Variants in ICAM1 observed in about 807,000 individuals in gnomAD.
ICAM1 encodes the protein intercellular adhesion molecule 1, also known as ICAM-1.
Under a neutral mutation model 42.3 loss-of-function variants are expected in ICAM1, and 28 were observed. The ratio of observed to expected loss-of-function variants is 0.66; its 90% CI spans 0.49 to 0.91. ICAM1 has a LOEUF of 0.91. Ranked by LOEUF, ICAM1 falls within the 40% of genes least tolerant of loss-of-function variation. The pLI is 0.00. For synonymous variants in ICAM1, 304 were observed against 305.9 expected (o/e 0.99, Z 0.07); for missense variants, 637 against 688.6 (o/e 0.93, Z 0.84).
In ICAM1 at chr19:10,285,579, G is replaced by C; in HGVS notation, c.*292G>C. ...AAAGTCTAGCCTGATGAGAGGGGAA[G>C]TGGTGGGGGAGACATAGCCCCACCA... On this transcript the variant is annotated 3_prime_UTR_variant, in exon 7 of 7. Coordinates refer to ENST00000264832, the MANE Select transcript of ICAM1 (RefSeq NM_000201.3). The C allele has an allele frequency of 2.7e-6, 1 of 366,182 alleles. No homozygotes were observed. The highest frequency in any genetic ancestry group is 5.0e-6 in the Non-Finnish European group (1 of 199,488). 22.7% of individuals were successfully genotyped at this position (366,182 alleles called of 1,614,324 possible).
chr19:10,281,470 T>C (rs1389905279), intron 2 of ICAM1, among the ~76,000 whole-genome samples: 1 of 152,052 alleles, frequency 6.6e-6, no homozygotes, highest in Non-Finnish European at 1.5e-5. Context: ...TCATCCCTTT[T>C]AAGCACATAA....
chr19:10,280,935 T>G (rs2358581), intron 2 of ICAM1, among the ~76,000 whole-genome samples: 97,747 of 144,874 alleles, frequency 0.67, 33,538 homozygotes, highest in Middle Eastern at 0.8. Context: ...GTGCAGTGGT[T>G]CGATCTGGGC....
At chr19:10,281,989 G>A (rs1005351002) in intron 2 of ICAM1, among the ~76,000 whole-genome samples, 6 of 151,820 alleles carry the variant, frequency 4.0e-5, no homozygotes, top group Non-Finnish European at 8.8e-5. Flanking sequence ...TGATCCGCCT[G>A]CCTCGGCCCC....
rs754203844 is a variant in ICAM1 at position 10,283,493 on chromosome 19, G to A, written c.344G>A (p.Arg115Gln). 7.6e-6 allele frequency: 12 copies of A among 1,568,852 alleles called. No individual in the cohort carries two copies. Among genetic ancestry groups the A allele is most frequent in the African/African-American group, 5.4e-5 (4 of 74,130 alleles). Residue 115 changes from arginine (R) to glutamine (Q), a missense_variant, in exon 3 of 7, where the codon CGG (arginine) becomes CAG (glutamine). Arg to Gln is a conservative substitution (Grantham distance 43). Transcript: ENST00000264832. The part of the protein sequence containing the change: ...TFLTVYWTPE[R>Q]VELAPLPSWQ... ...TGTTTTCCTGCAGGGACTCCAGAAC[G>A]GGTGGAACTGGCACCCCTCCCCTCT... is the stretch of plus-strand genomic sequence containing the variant.
At chr19:10,280,837 G>A (rs1236404108) in intron 2 of ICAM1, among the ~76,000 whole-genome samples, 1 of 149,028 alleles carries the variant, frequency 6.7e-6, no homozygotes, top group Non-Finnish European at 1.5e-5. Context: ...CCAAAGTGCT[G>A]AGATTACAGG....
rs771711919 is a variant in ICAM1 at position 10,284,649 on chromosome 19, G to A, written c.1172G>A (p.Arg391His). ...LIHKNQTRELRVLYGPRLDER... is the reference protein window; with the variant it reads ...LIHKNQTRELHVLYGPRLDER... Reference sequence around the variant, plus strand: ...CACAAGAACCAGACCCGGGAGCTTCGTGTCCTGTGTGAGTGGGGCTGCTGG... The same window carrying A: ...CACAAGAACCAGACCCGGGAGCTTCATGTCCTGTGTGAGTGGGGCTGCTGG... Residue 391 changes from arginine (R) to histidine (H), a missense_variant, in exon 5 of 7, where the codon CGT becomes CAT. Coordinates refer to ENST00000264832, the MANE Select transcript of ICAM1 (RefSeq NM_000201.3). This position sits in a 1 kb window ranked among gnomAD's most constrained non-coding sequence, Gnocchi z 5.4. 2.7e-5 allele frequency: 44 copies of A among 1,613,958 alleles called. No individual in the cohort carries two copies. The South Asian group carries it at 3.7e-4, about 14-fold the overall frequency.
At position 10,284,332 on chromosome 19, in the gene ICAM1, C is replaced by T. The variant is rs774635699; in HGVS notation, c.925+12C>T. The T allele has an allele frequency of 1.2e-6, 2 of 1,612,628 alleles. No homozygotes were observed. The highest frequency in any genetic ancestry group is 1.7e-6 in the Non-Finnish European group (2 of 1,179,646). ...AGTGACCATCTACAGTAAGAAGGGG[C>T]AGGGGCGGAGTGGGGCTTCTTGGGG... On this transcript the variant is annotated intron_variant, in intron 4 of 6. Coordinates refer to ENST00000264832, the MANE Select transcript of ICAM1 (RefSeq NM_000201.3). This position sits in a 1 kb window ranked among gnomAD's most constrained non-coding sequence, Gnocchi z 5.4.
In ICAM1 at chr19:10,271,335, C is replaced by T. The variant is rs927611305; in HGVS notation, c.67+109C>T. 45 of 911,924 alleles carry T rather than the reference C, an allele frequency of 4.9e-5. No individual in the cohort carries two copies. In the African/African-American group the frequency reaches 6.9e-4, roughly 14 times the overall value. The allele number at this position is 911,924 out of a possible 1,614,324, so 56.5% of individuals were successfully genotyped here. ...GGTAGCTGTTTATGGGAAGGAGGGG[C>T]TAGAGACAGCGATTGAAAGGCAACA... On this transcript the variant is annotated intron_variant, in intron 1 of 6. Transcript: ENST00000264832.
chr19:10,273,827 G>A (rs1291978688), intron 1 of ICAM1, among the ~76,000 whole-genome samples: 3 of 151,604 alleles, frequency 2.0e-5, no homozygotes, highest in South Asian at 4.2e-4. Flanking sequence ...CAGGCTGGCC[G>A]ACGTGGCGAA....
At chr19:10,272,059 G>A (rs2039985470) in intron 1 of ICAM1, among the ~76,000 whole-genome samples, 1 of 152,174 alleles carries the variant, frequency 6.6e-6, no homozygotes, top group Non-Finnish European at 1.5e-5. Flanking sequence ...CCCCAGGCGG[G>A]CGAATCACTT....
chr19:10,282,436 CG>C (rs2040067032), intron 2 of ICAM1: 1 of 152,118 alleles, frequency 6.6e-6, no homozygotes, highest in African/African-American at 2.4e-5. Flanking sequence ...TTAATAGAGA[CG>C]GGGTTTCACT....
chr19:10,274,028 T>G (rs1407494226), intron 1 of ICAM1, among the ~76,000 whole-genome samples: 2 of 149,870 alleles, frequency 1.3e-5, no homozygotes, highest in African/African-American at 2.5e-5. Context: ...AAAAAAAAAA[T>G]AAAAGAACAC....
chr19:10,285,476 AG>A lies in ICAM1; in HGVS notation c.*191del. 1 of 596,892 alleles carries A rather than the reference AG, an allele frequency of 1.7e-6. No individual in the cohort carries two copies. Among genetic ancestry groups the A allele is most frequent in the South Asian group, 2.0e-5 (1 of 49,086 alleles). 37.0% of individuals were successfully genotyped at this position (596,892 alleles called of 1,614,324 possible). A position where few individuals can be genotyped will look rare whatever the true frequency, so the allele number is the denominator to read the frequency against. ...ATGGTACCTGCACACCTAAAACACT[AG>A]GCCACGCATCTGATCTGTAGTCACA... On this transcript the variant is annotated 3_prime_UTR_variant, in exon 7 of 7. Transcript: ENST00000264832.
chr19:10,277,465 A>G (rs903302793), intron 2 of ICAM1, among the ~76,000 whole-genome samples: 6 of 148,308 alleles, frequency 4.0e-5, no homozygotes, highest in African/African-American at 1.5e-4. Context: ...AACGTGAGCC[A>G]CTTTGCCTGG....
chr19:10,272,119 C>G (rs184440323), intron 1 of ICAM1, among the ~76,000 whole-genome samples: 6 of 152,252 alleles, frequency 3.9e-5, no homozygotes, highest in Admixed American at 1.3e-4. Flanking sequence ...CATCCCGTCT[C>G]TACTAAAAAT....
rs1032436887 is a variant in ICAM1 at position 10,281,087 on chromosome 19, A to G, written c.332-2394A>G. On this transcript the variant is annotated intron_variant, in intron 2 of 6. Coordinates refer to ENST00000264832, the MANE Select transcript of ICAM1 (RefSeq NM_000201.3). ...ACGGGGTTTCACCGTGTTAGCCAGG[A>G]TGGTCTTGATCTCCTGACCTCGTGA... 3.8e-4 allele frequency among the ~76,000 whole-genome samples: 57 copies of G among 150,408 alleles called. No homozygotes were observed. The Middle Eastern group carries it at 0.014, about 36-fold the overall frequency.
At chr19:10,276,769 C>T (rs1349566925) in intron 2 of ICAM1, among the ~76,000 whole-genome samples, 7 of 151,286 alleles carry the variant, frequency 4.6e-5, no homozygotes, top group Admixed American at 6.6e-5. Context: ...GTCAGGAGTT[C>T]GAGACCAGCC....
Position 10,284,160 on chromosome 19 carries a change from G to C in ICAM1, c.765G>C (p.Gly255=), listed in dbSNP as rs963043122. Residue 255 remains glycine, a synonymous_variant, in exon 4 of 7, where the codon GGG becomes GGC. Coordinates refer to ENST00000264832, the MANE Select transcript of ICAM1 (RefSeq NM_000201.3). The surrounding 1 kb of genome is among the most constrained non-coding windows in gnomAD (Gnocchi z 5.4). ...VSEAQVHLAL[G]DQRLNPTVTY... The stretch of plus-strand genomic sequence containing the variant: ...AGGCCCAGGTCCACCTGGCACTGGG[G>C]GACCAGAGGTTGAACCCCACAGTCA... 3 of 1,613,960 alleles carry C rather than the reference G, an allele frequency of 1.9e-6. No individual in the cohort carries two copies. Among genetic ancestry groups the C allele is most frequent in the African/African-American group, 2.7e-5 (2 of 74,930 alleles).
chr19:10,271,605 C>T (rs5030340), intron 1 of ICAM1, among the ~76,000 whole-genome samples: 7,349 of 152,174 alleles, frequency 0.048, 189 homozygotes, highest in Middle Eastern at 0.1. Context: ...AGTTTCTCAG[C>T]TGTAAAACGG....
Sources: gnomAD v4.1 joint callset for allele counts (sites outside exome capture counted in the v4.1 genomes callset) on GRCh38, gnomAD v4.1.1 for gene constraint, Gnocchi (gnomAD v3.1) non-coding constraint, MANE v1.5 for transcripts, NCBI Gene and HGNC (gene_info 2026-07-23, HGNC 2026-07-21) for gene names.